The following SHISA9 variants were observed in gnomAD, a reference collection of about 807,000 sequenced individuals.
SHISA9 encodes protein shisa-9.
In SHISA9, 13 loss-of-function variants were observed where a neutral mutation model predicts 38.0. The ratio of observed to expected loss-of-function variants is 0.34; its 90% CI spans 0.22 to 0.54. The LOEUF (loss-of-function observed/expected upper bound fraction) is 0.54, where lower values mean the gene tolerates loss of function less well. SHISA9 is among the 20% of genes least tolerant of loss of function. The pLI, the probability that SHISA9 is intolerant of heterozygous loss-of-function variation, is 0.91. For synonymous variants in SHISA9, 275 were observed against 242.0 expected (o/e 1.14, Z -1.27); for missense variants, 538 against 575.8 (o/e 0.93, Z 0.67).
chr16:13,193,675 G>A (rs1304348757), intron 2 of SHISA9, among the ~76,000 whole-genome samples: 1 of 152,154 alleles, frequency 6.6e-6, no homozygotes, highest in African/African-American at 2.4e-5. Flanking sequence ...CATGACTTTT[G>A]TCTGAGTTAG....
chr16:13,470,110 T>A, the SHISA9 span, among the ~76,000 whole-genome samples: 2 of 152,192 alleles, frequency 1.3e-5, no homozygotes, highest in African/African-American at 4.8e-5. Context: ...CCTTTAAAGT[T>A]TTTAATATTT....
chr16:13,411,980 G>A, the SHISA9 span, among the ~76,000 whole-genome samples: 1 of 151,750 alleles, frequency 6.6e-6, no homozygotes, highest in Non-Finnish European at 1.5e-5. Flanking sequence ...GTCAGCAGGT[G>A]TGAAAAAATT....
chr16:13,326,068 T>TAA, the SHISA9 span, among the ~76,000 whole-genome samples: 9 of 112,376 alleles, frequency 8.0e-5, no homozygotes, highest in African/African-American at 1.3e-4. Context: ...AAAGTCAAAT[T>TAA]AAAAAAAAAA....
intron 2 of SHISA9, among the ~76,000 whole-genome samples, chr16:13,004,191 A>T (rs1053710113): frequency 1.3e-5 from 2 of 152,192 alleles, no homozygotes; most frequent in African/African-American, 2.4e-5. Context: ...TATAGGGAAA[A>T]GTCTGACTTG....
At chr16:13,017,578 G>A (rs568900509) in intron 2 of SHISA9, among the ~76,000 whole-genome samples, 2 of 149,164 alleles carry the variant, frequency 1.3e-5, no homozygotes, top group South Asian at 2.2e-4. Context: ...ACAATAATTC[G>A]TTGACTGGTA....
chr16:13,117,967 A>T (rs2074046979), intron 2 of SHISA9, among the ~76,000 whole-genome samples: 1 of 152,100 alleles, frequency 6.6e-6, no homozygotes. Context: ...GGATCGCCTG[A>T]GATCAGAAGT....
At chr16:13,428,340 T>C in the SHISA9 span, among the ~76,000 whole-genome samples, 3 of 152,126 alleles carry the variant, frequency 2.0e-5, no homozygotes, top group Non-Finnish European at 4.4e-5. Context: ...TGGAGTTAAG[T>C]TACATCCTTG....
At chr16:13,207,173 A>G (rs2051073273) in intron 3 of SHISA9, among the ~76,000 whole-genome samples, 1 of 152,172 alleles carries the variant, frequency 6.6e-6, no homozygotes. Context: ...CTGAGGCATG[A>G]GAATCACTTG....
At chr16:13,131,786 A>C (rs2050308650) in intron 2 of SHISA9, among the ~76,000 whole-genome samples, 1 of 152,196 alleles carries the variant, frequency 6.6e-6, no homozygotes, top group African/African-American at 2.4e-5. Context: ...AACTTGCCTG[A>C]AGCCTCACAA....
intron 2 of SHISA9, among the ~76,000 whole-genome samples, chr16:12,931,011 C>T (rs2071454965): frequency 2.0e-5 from 3 of 152,150 alleles, no homozygotes; most frequent in Non-Finnish European, 1.5e-5. Flanking sequence ...GTTACCAGAT[C>T]TTATAATCCC....
the SHISA9 span, among the ~76,000 whole-genome samples, chr16:13,357,655 G>T: frequency 6.6e-6 from 1 of 152,266 alleles, no homozygotes; most frequent in Non-Finnish European, 1.5e-5. Context: ...GGGTGCAGGC[G>T]GGCTGAGTCC....
intron 3 of SHISA9, among the ~76,000 whole-genome samples, chr16:13,211,806 T>C (rs2051122512): frequency 6.6e-6 from 1 of 152,196 alleles, no homozygotes; most frequent in Admixed American, 6.5e-5. Context: ...ATGGATTTAA[T>C]TTGGGGTTCA....
chr16:13,524,989 G>A, the SHISA9 span, among the ~76,000 whole-genome samples: 1 of 152,170 alleles, frequency 6.6e-6, no homozygotes, highest in Non-Finnish European at 1.5e-5. Flanking sequence ...CCTGGGTGGG[G>A]TGGTAGGGTA....
At chr16:12,945,549 C>G (rs1478402826) in intron 2 of SHISA9, among the ~76,000 whole-genome samples, 2 of 152,114 alleles carry the variant, frequency 1.3e-5, no homozygotes, top group Non-Finnish European at 2.9e-5. Context: ...CTTTCTTGTT[C>G]TATGTAAAGT....
chr16:13,394,710 A>G, the SHISA9 span, among the ~76,000 whole-genome samples: 1 of 152,112 alleles, frequency 6.6e-6, no homozygotes, highest in Non-Finnish European at 1.5e-5. Flanking sequence ...ACACCATAGC[A>G]CTTAGGACAG....
At chr16:13,041,456 C>T (rs1169691378) in intron 2 of SHISA9, among the ~76,000 whole-genome samples, 1 of 152,192 alleles carries the variant, frequency 6.6e-6, no homozygotes, top group Non-Finnish European at 1.5e-5. Flanking sequence ...CTCTCTTTGG[C>T]TGTTCTATTC....
At chr16:13,439,387 T>A in the SHISA9 span, among the ~76,000 whole-genome samples, 1 of 152,048 alleles carries the variant, frequency 6.6e-6, no homozygotes, top group Admixed American at 6.5e-5. Flanking sequence ...CACACACACA[T>A]AACTATGGAA....
At chr16:13,002,870 T>C (rs1213486512) in intron 2 of SHISA9, among the ~76,000 whole-genome samples, 2 of 152,026 alleles carry the variant, frequency 1.3e-5, no homozygotes, top group Non-Finnish European at 2.9e-5. Flanking sequence ...AGTAGGAATT[T>C]AGGCTCAAAG....
chr16:13,082,048 A>T (rs1175685943), intron 2 of SHISA9, among the ~76,000 whole-genome samples: 2 of 152,178 alleles, frequency 1.3e-5, no homozygotes, highest in Non-Finnish European at 2.9e-5. Context: ...CCGCCAACTC[A>T]TTAAGTAACT....
Sources: gnomAD v4.1 joint callset for allele counts (sites outside exome capture counted in the v4.1 genomes callset) on GRCh38, gnomAD v4.1.1 for gene constraint, MANE v1.5 for transcripts, NCBI Gene and HGNC (gene_info 2026-07-23, HGNC 2026-07-21) for gene names.